Variants in PAX1 observed in about 807,000 individuals in gnomAD.
PAX1 encodes paired box protein Pax-1.
Under a neutral mutation model 35.6 loss-of-function variants are expected in PAX1, and 18 were observed. The observed-to-expected ratio is 0.50, with a 90% CI of 0.35 to 0.75. The LOEUF (loss-of-function observed/expected upper bound fraction) is 0.75, where lower values mean the gene tolerates loss of function less well. Among genes scored for constraint, PAX1 ranks in the 30% least tolerant of loss-of-function variants. PAX1 has a pLI of 0.01. For synonymous variants in PAX1, 397 were observed against 305.2 expected (o/e 1.30, Z -3.14); for missense variants, 760 against 661.5 (o/e 1.15, Z -1.63).
chr20:21,705,731 C>G lies in PAX1; in HGVS notation c.19C>G (p.Leu7Val). 2 of 1,248,804 alleles carry G rather than the reference C, an allele frequency of 1.6e-6. No homozygotes were observed. Among genetic ancestry groups the G allele is most frequent in the Non-Finnish European group, 1.0e-6 (1 of 990,672 alleles). The allele number at this position is 1,248,804 out of a possible 1,614,324, so 77.4% of individuals were successfully genotyped here. A position where few individuals can be genotyped will look rare whatever the true frequency, so the allele number is the denominator to read the frequency against. The part of the protein sequence containing the change: MKFTLG[L>V]GSRAWRVSWE... ...CAATCGGATGAAGTTCACCCTGGGC[C>G]TGGGGTCGCGGGCGTGGAGAGTGTC... The change falls in exon 1 of 5, where the codon CTG becomes GTG. Residue 7 changes from leucine to valine, a missense_variant. This residue lies in a region of PAX1 where 222 missense variants were observed against 153.0 expected (regional missense o/e 1.45). Coordinates refer to ENST00000613128, the MANE Select transcript of PAX1 (RefSeq NM_001257096.2).
At chr20:21,708,269 C>T (rs967599467) in intron 2 of PAX1, 2 of 555,698 alleles carry the variant, frequency 3.6e-6, no homozygotes, top group Non-Finnish European at 6.5e-6. Flanking sequence ...GACAATGGAG[C>T]GGCCGCTTTG....
At position 21,717,382 on chromosome 20, in the gene PAX1, G is replaced by A. The variant is rs1412839918; in HGVS notation, c.*2820G>A. ...CTGTCTGTGAAATGTAGCCTTCAAT[G>A]CAGTAACGCGCACGGTGACCTGGCC... On this transcript the variant is annotated 3_prime_UTR_variant, in exon 5 of 5. Coordinates refer to ENST00000613128, the MANE Select transcript of PAX1 (RefSeq NM_001257096.2). The A allele has an allele frequency of 6.6e-6, 1 of 152,286 alleles. No homozygotes were observed. Among genetic ancestry groups the A allele is most frequent in the East Asian group, 1.9e-4 (1 of 5,188 alleles). 9.4% of individuals were successfully genotyped at this position (152,286 alleles called of 1,614,324 possible). A position where few individuals can be genotyped will look rare whatever the true frequency, so the allele number is the denominator to read the frequency against.
Position 21,718,436 on chromosome 20 carries a change from C to A in PAX1, c.*3874C>A, listed in dbSNP as rs1204098946. On this transcript the variant is annotated 3_prime_UTR_variant, in exon 5 of 5. Transcript: ENST00000613128. ...ATGGAGGCAGAGGGGTGCGGGAAAACCTTGTGTGAAGAAATACTGGCTACA... is the reference window on the plus strand; with the variant it reads ...ATGGAGGCAGAGGGGTGCGGGAAAAACTTGTGTGAAGAAATACTGGCTACA... 6.6e-6 allele frequency: 1 copy of A among 152,154 alleles called. No individual in the cohort carries two copies. The highest frequency in any genetic ancestry group is 1.5e-5 in the Non-Finnish European group (1 of 68,030). 9.4% of individuals were successfully genotyped at this position (152,154 alleles called of 1,614,324 possible). A position where few individuals can be genotyped will look rare whatever the true frequency, so the allele number is the denominator to read the frequency against.
In PAX1 at chr20:21,709,275, G is replaced by A. The variant is rs1016992705; in HGVS notation, c.1113G>A (p.Pro371=). The part of the protein sequence containing the change: ...VGGFLPACAY[P]ASNQHGVYSA... Reference sequence around the variant, plus strand: ...GCTTTCTCCCCGCCTGCGCCTACCCGGCCTCCAACCAGCACGGCGTGTACA... The same window carrying A: ...GCTTTCTCCCCGCCTGCGCCTACCCAGCCTCCAACCAGCACGGCGTGTACA... The change falls in exon 4 of 5, where the codon CCG becomes CCA. Residue 371 remains proline, a synonymous_variant. Transcript: ENST00000613128. 2.7e-5 allele frequency: 43 copies of A among 1,605,686 alleles called. No individual in the cohort carries two copies. The highest frequency in any genetic ancestry group is 3.4e-5 in the Non-Finnish European group (40 of 1,179,736).
chr20:21,706,929 G>C lies in PAX1; in HGVS notation c.778G>C (p.Val260Leu), dbSNP rs774254334. 2.5e-6 allele frequency: 4 copies of C among 1,612,622 alleles called. No homozygotes were observed. In the African/African-American group the frequency reaches 4.0e-5, roughly 16 times the overall value. The change falls in exon 2 of 5, where the codon GTG (valine) becomes CTG (leucine). Residue 260 changes from valine to leucine, a missense_variant. Around this residue, in one of 3 missense-constraint regions of PAX1, gnomAD observed 490 missense variants for 428.4 expected, o/e 1.14. Coordinates refer to ENST00000613128, the MANE Select transcript of PAX1 (RefSeq NM_001257096.2). The surrounding 1 kb of genome is among the most constrained non-coding windows in gnomAD (Gnocchi z 5.3). ...CTACCAGTACCCCTACCCCAGTCCC[G>C]TGTCGCCCACGGGCGCCAAGATGGG... is the stretch of plus-strand genomic sequence containing the variant. The part of the protein sequence containing the change: ...HIYQYPYPSP[V>L]SPTGAKMGSH...
Position 21,706,644 on chromosome 20 carries a change from A to C in PAX1, c.493A>C (p.Ile165Leu). 10 of 1,612,284 alleles carry C rather than the reference A, an allele frequency of 6.2e-6. No homozygotes were observed. Among genetic ancestry groups the C allele is most frequent in the Non-Finnish European group, 8.5e-6 (10 of 1,180,024 alleles). Residue 165 changes from isoleucine to leucine, a missense_variant, in exon 2 of 5, where the codon ATC (isoleucine) becomes CTC (leucine). Physicochemically the swap from Ile to Leu is conservative, Grantham distance 5. This residue lies in a region of PAX1 where 490 missense variants were observed against 428.4 expected (regional missense o/e 1.14). Coordinates refer to ENST00000613128, the MANE Select transcript of PAX1 (RefSeq NM_001257096.2). The surrounding 1 kb of genome is among the most constrained non-coding windows in gnomAD (Gnocchi z 5.3). ...GACCGGCTCCATTCTGCCCGGGGCC[A>C]TCGGGGGGAGCAAGCCCCGCGTCAC... ...NETGSILPGA[I>L]GGSKPRVTTP... is the part of the protein sequence containing the mutation.
chr20:21,708,411 C>G (rs1985084166), intron 2 of PAX1, 147 bp from the exon 3 acceptor site: 1 of 909,574 alleles, frequency 1.1e-6, no homozygotes, highest in South Asian at 1.3e-5. Flanking sequence ...CATTCCAGTC[C>G]CTGCCGCCTC....
intron 4 of PAX1, among the ~76,000 whole-genome samples, chr20:21,711,952 G>A (rs758800004): frequency 3.3e-5 from 5 of 152,170 alleles, no homozygotes; most frequent in Non-Finnish European, 5.9e-5. Context: ...TTTACTATCA[G>A]CAATTGTTCA....
At position 21,706,385 on chromosome 20, in the gene PAX1, C is replaced by T. The variant is rs768691708; in HGVS notation, c.287-53C>T. Reference sequence around the variant, plus strand: ...GCTCCGCGTGGGGACCCTTGGCTAACCCGCCGGGTGTTTTCTCCCCCTCCG... The same window carrying T: ...GCTCCGCGTGGGGACCCTTGGCTAATCCGCCGGGTGTTTTCTCCCCCTCCG... On this transcript the variant is annotated intron_variant, in intron 1 of 4. Transcript: ENST00000613128. The surrounding 1 kb of genome is among the most constrained non-coding windows in gnomAD (Gnocchi z 5.3). 1.5e-5 allele frequency: 24 copies of T among 1,605,130 alleles called. No homozygotes were observed. In the South Asian group the frequency reaches 2.5e-4, roughly 17 times the overall value.
rs569238700 is a variant in PAX1, at chr20:21,705,720, T to C, written c.8T>C (p.Phe3Ser). MK[F>S]TLGLGSRAWR... ...CGAATTTCTCCCAATCGGATGAAGT[T>C]CACCCTGGGCCTGGGGTCGCGGGCG... The change falls in exon 1 of 5, where the codon TTC (phenylalanine) becomes TCC (serine). Residue 3 changes from phenylalanine (F) to serine (S), a missense_variant. Phe to Ser is a radical substitution (Grantham distance 155). Transcript: ENST00000613128. 8 of 1,244,704 alleles carry C rather than the reference T, an allele frequency of 6.4e-6. No homozygotes were observed. The South Asian group carries it at 3.3e-4, about 51-fold the overall frequency. 77.1% of individuals were successfully genotyped at this position (1,244,704 alleles called of 1,614,324 possible).
At chr20:21,707,841 G>A (rs934809781) in intron 2 of PAX1, among the ~76,000 whole-genome samples, 1 of 152,188 alleles carries the variant, frequency 6.6e-6, no homozygotes, top group African/African-American at 2.4e-5. Context: ...CCATAGCCTA[G>A]GAGGAAAGAG....
intron 4 of PAX1, among the ~76,000 whole-genome samples, chr20:21,710,728 C>T (rs776706108): frequency 1.1e-4 from 16 of 152,160 alleles, no homozygotes; most frequent in Admixed American, 7.2e-4. Context: ...ATAAAGATGC[C>T]ATCCACAACA....
chr20:21,711,376 T>C (rs1227478832), intron 4 of PAX1, among the ~76,000 whole-genome samples: 4 of 152,226 alleles, frequency 2.6e-5, no homozygotes, highest in Admixed American at 2.6e-4. Flanking sequence ...CTGTCTTAAT[T>C]TGTGGTGGAA....
At chr20:21,713,878 G>A (rs1985277458) in intron 4 of PAX1, among the ~76,000 whole-genome samples, 2 of 152,220 alleles carry the variant, frequency 1.3e-5, no homozygotes, top group South Asian at 4.1e-4. Context: ...GTAGTCTGCC[G>A]CTCACTTAAA....
chr20:21,707,853 G>C (rs1301285878), intron 2 of PAX1, among the ~76,000 whole-genome samples: 1 of 152,160 alleles, frequency 6.6e-6, no homozygotes, highest in African/African-American at 2.4e-5. Flanking sequence ...AGGAAAGAGT[G>C]GTGGCTGGAA....
At chr20:21,712,622 T>C (rs1454594050) in intron 4 of PAX1, among the ~76,000 whole-genome samples, 1 of 152,232 alleles carries the variant, frequency 6.6e-6, no homozygotes, top group Non-Finnish European at 1.5e-5. Flanking sequence ...GATTTGGAAA[T>C]CAAATCTATA....
intron 2 of PAX1, 57 bp from the exon 3 acceptor site, chr20:21,708,501 A>C: frequency 6.2e-7 from 1 of 1,606,878 alleles, no homozygotes; most frequent in East Asian, 2.2e-5. Context: ...GGTTGGCCAC[A>C]CGTGTGCCCA....
At position 21,706,444 on chromosome 20, in the gene PAX1, C is replaced by A; in HGVS notation, c.293C>A (p.Thr98Lys). ...QLAGPLAMEQ[T>K]YGEVNQLGGV... ...TTGTCTGGCGCATCCGCAGAGCAGA[C>A]GTATGGCGAGGTGAACCAGCTGGGC... is the stretch of plus-strand genomic sequence containing the variant. The change falls in exon 2 of 5, where the codon ACG (threonine) becomes AAG (lysine). Residue 98 changes from threonine to lysine, a missense_variant. Around this residue, in one of 3 missense-constraint regions of PAX1, gnomAD observed 222 missense variants for 153.0 expected, o/e 1.45. Transcript: ENST00000613128. This position sits in a 1 kb window ranked among gnomAD's most constrained non-coding sequence, Gnocchi z 5.3. 2.5e-6 allele frequency: 4 copies of A among 1,611,220 alleles called. No individual in the cohort carries two copies. The highest frequency in any genetic ancestry group is 3.4e-6 in the Non-Finnish European group (4 of 1,179,106).
At position 21,707,184 on chromosome 20, in the gene PAX1, G is replaced by A. The variant is rs1008107011; in HGVS notation, c.916+117G>A. ...CGGGACCGGTTCTGGCTCAGGGGAG[G>A]GCTCCACACTGGCCAGGGAGGCTGG... On this transcript the variant is annotated intron_variant, in intron 2 of 4. Transcript: ENST00000613128. 6.9e-6 allele frequency: 9 copies of A among 1,299,800 alleles called. No individual in the cohort carries two copies. The Admixed American group carries it at 7.7e-5, about 11-fold the overall frequency. 80.5% of individuals were successfully genotyped at this position (1,299,800 alleles called of 1,614,324 possible). A position where few individuals can be genotyped will look rare whatever the true frequency, so the allele number is the denominator to read the frequency against.
Sources: gnomAD v4.1 joint callset for allele counts (sites outside exome capture counted in the v4.1 genomes callset) on GRCh38, gnomAD v4.1.1 for gene constraint, gnomAD v4.1.1 regional missense constraint, Gnocchi (gnomAD v3.1) non-coding constraint, MANE v1.5 for transcripts, NCBI Gene and HGNC (gene_info 2026-07-23, HGNC 2026-07-21) for gene names.